CUL1: variants seen among roughly 807,000 people sequenced by gnomAD.
CUL1 encodes cullin 1.
Under a neutral mutation model 118.0 loss-of-function variants are expected in CUL1, and 24 were observed. The ratio of observed to expected loss-of-function variants is 0.20; its 90% CI spans 0.15 to 0.29. The LOEUF (loss-of-function observed/expected upper bound fraction) is 0.29. CUL1 is among the 10% of genes least tolerant of loss of function. The probability of loss-of-function intolerance (pLI) is 1.00; values close to 1 mark genes in which losing one functional copy is unlikely to be tolerated. For synonymous variants in CUL1, 332 were observed against 340.4 expected, an observed-to-expected ratio of 0.98 and a Z score of 0.27; for missense variants, 361 against 933.8, an observed-to-expected ratio of 0.39 and a Z score of 7.99.
intron 2 of CUL1, among the ~76,000 whole-genome samples, chr7:148,750,426 T>C (rs12539295): frequency 3.1e-3 from 468 of 152,182 alleles, no homozygotes; most frequent in Non-Finnish European, 5.3e-3. Flanking sequence ...ATTAGGTATT[T>C]CTCCTGATGC....
At chr7:148,711,031 T>TA (rs1429928991) in intron 1 of CUL1, among the ~76,000 whole-genome samples, 2 of 152,146 alleles carry the variant, frequency 1.3e-5, no homozygotes, top group African/African-American at 4.8e-5. Context: ...AAGCAAAATT[T>TA]AAAAAGTCCC....
intron 9 of CUL1, among the ~76,000 whole-genome samples, chr7:148,768,627 CG>C (rs1422388022): frequency 6.6e-6 from 1 of 151,976 alleles, no homozygotes; most frequent in Non-Finnish European, 1.5e-5. Flanking sequence ...TCAGGTGATT[CG>C]CCCGCCTTGG....
chr7:148,710,244 A>G (rs1440566100), intron 1 of CUL1, among the ~76,000 whole-genome samples: 1 of 152,192 alleles, frequency 6.6e-6, no homozygotes, highest in East Asian at 1.9e-4. Flanking sequence ...TTGTAACTAC[A>G]AAGAAAGGTG....
chr7:148,772,027 G>T (rs1050234971), intron 9 of CUL1, among the ~76,000 whole-genome samples: 6 of 152,066 alleles, frequency 3.9e-5, no homozygotes, highest in Non-Finnish European at 8.8e-5. Context: ...GCTTAGAATG[G>T]CTCACCTTAA....
chr7:148,784,214 A>G (rs1384004391), intron 11 of CUL1, 137 bp downstream of exon 11: 2 of 703,736 alleles, frequency 2.8e-6, no homozygotes, highest in African/African-American at 3.6e-5. Flanking sequence ...CTTAAACATA[A>G]TCGTCCTTGC....
At chr7:148,708,562 G>C (rs1042554295) in intron 1 of CUL1, among the ~76,000 whole-genome samples, 33 of 152,184 alleles carry the variant, frequency 2.2e-4, no homozygotes, top group Admixed American at 2.1e-3. Flanking sequence ...GCTCTCCAGG[G>C]CAGGTATTGG....
upstream of CUL1, chr7:148,697,994 G>C (rs114637006): frequency 6.6e-6 from 1 of 152,228 alleles, no homozygotes. Flanking sequence ...CAAAGACGAA[G>C]GATAGAGTGA....
chr7:148,716,925 T>C (rs1177453674), intron 1 of CUL1, among the ~76,000 whole-genome samples: 4 of 152,244 alleles, frequency 2.6e-5, no homozygotes, highest in African/African-American at 9.6e-5. Flanking sequence ...TTCCTAGAAG[T>C]GGATTGCTAG....
At chr7:148,708,523 G>C (rs965077186) in intron 1 of CUL1, among the ~76,000 whole-genome samples, 4 of 152,222 alleles carry the variant, frequency 2.6e-5, no homozygotes, top group African/African-American at 9.6e-5. Flanking sequence ...GCTTCATTCA[G>C]GACTTGCCTG....
intron 1 of CUL1, among the ~76,000 whole-genome samples, chr7:148,716,489 A>G (rs907044902): frequency 1.3e-5 from 2 of 152,204 alleles, no homozygotes; most frequent in African/African-American, 4.8e-5. Context: ...TTTTTGTCCC[A>G]TCTACATTGA....
chr7:148,791,839 T>G (rs1801021229), intron 16 of CUL1, among the ~76,000 whole-genome samples: 1 of 152,260 alleles, frequency 6.6e-6, no homozygotes, highest in African/African-American at 2.4e-5. Context: ...CTCGGGGTGT[T>G]CATTCGCTTG....
chr7:148,733,940 T>C (rs1168090766), intron 2 of CUL1, among the ~76,000 whole-genome samples: 2 of 152,072 alleles, frequency 1.3e-5, no homozygotes, highest in East Asian at 3.8e-4. Flanking sequence ...TTGTGGTTGC[T>C]GTAGCAGAGA....
intron 1 of CUL1, among the ~76,000 whole-genome samples, chr7:148,700,565 G>T (rs1177844568): frequency 6.6e-6 from 1 of 152,168 alleles, no homozygotes; most frequent in Non-Finnish European, 1.5e-5. Flanking sequence ...TGTTTTACTT[G>T]AAGGTTCTAT....
intron 1 of CUL1, among the ~76,000 whole-genome samples, chr7:148,724,824 T>A (rs2129459425): frequency 6.6e-6 from 1 of 152,326 alleles, no homozygotes; most frequent in Non-Finnish European, 1.5e-5. Flanking sequence ...ACTACCTGAT[T>A]TCCTAAGTAT....
chr7:148,702,358 T>G (rs1300243372), intron 1 of CUL1, among the ~76,000 whole-genome samples: 3 of 152,232 alleles, frequency 2.0e-5, no homozygotes, highest in Non-Finnish European at 2.9e-5. Flanking sequence ...TAGTTCAAGC[T>G]TACCTTTGCA....
At chr7:148,708,588 T>C (rs968365889) in intron 1 of CUL1, among the ~76,000 whole-genome samples, 2 of 152,366 alleles carry the variant, frequency 1.3e-5, no homozygotes, top group Middle Eastern at 3.4e-3. Flanking sequence ...TAGCATTTGA[T>C]AGAGTGGGCT....
intron 1 of CUL1, among the ~76,000 whole-genome samples, chr7:148,701,100 C>T (rs1256942622): frequency 6.6e-6 from 1 of 152,032 alleles, no homozygotes; most frequent in Non-Finnish European, 1.5e-5. Flanking sequence ...TTTGTTTTTG[C>T]GTCCCCAGAG....
intron 2 of CUL1, among the ~76,000 whole-genome samples, chr7:148,747,786 C>G (rs243493): frequency 0.44 from 66,343 of 151,964 alleles, 15,503 homozygotes; most frequent in African/African-American, 0.62. Context: ...AAATTAAACA[C>G]TAAATTTGAC....
intron 3 of CUL1, among the ~76,000 whole-genome samples, chr7:148,756,318 A>G (rs1799654510): frequency 6.6e-6 from 1 of 152,294 alleles, no homozygotes; most frequent in South Asian, 2.1e-4. Flanking sequence ...ATTGCTAAGT[A>G]GGACATGTTG....
Sources: allele counts gnomAD v4.1 joint callset (sites outside exome capture counted in the v4.1 genomes callset), GRCh38; gene constraint gnomAD v4.1.1; transcripts MANE v1.5; gene names NCBI Gene and HGNC (gene_info 2026-07-23, HGNC 2026-07-21).